Variants in ZFHX3 observed in about 807,000 individuals in gnomAD.
The protein encoded by ZFHX3 is zinc finger homeobox protein 3.
Under a neutral mutation model 279.1 loss-of-function variants are expected in ZFHX3, and 42 were observed. The observed-to-expected ratio is 0.15, with a 90% CI of 0.12 to 0.19. The LOEUF is 0.19. Among genes scored for constraint, ZFHX3 ranks in the 10% least tolerant of loss-of-function variants. The pLI is 1.00. For synonymous variants in ZFHX3, 2,293 were observed against 1,957.8 expected, an observed-to-expected ratio of 1.17 and a Z score of -4.52; for missense variants, 4,981 against 4,754.0, an observed-to-expected ratio of 1.05 and a Z score of -1.40.
intron 8 of ZFHX3, among the ~76,000 whole-genome samples, chr16:73,088,904 C>T (rs60404764): frequency 0.041 from 6,259 of 152,044 alleles, 189 homozygotes; most frequent in African/African-American, 0.092. Context: ...GTTTAGTATC[C>T]ATGGTGGGGG....
chr16:73,645,326 G>T (rs753508670), intron 2 of ZFHX3, among the ~76,000 whole-genome samples: 1 of 152,004 alleles, frequency 6.6e-6, no homozygotes, highest in African/African-American at 2.4e-5. Context: ...GCATGATCTC[G>T]GCTCACTGCA....
chr16:73,878,836 G>C (rs189544730), intron 1 of ZFHX3, among the ~76,000 whole-genome samples: 6 of 151,876 alleles, frequency 4.0e-5, no homozygotes, highest in Middle Eastern at 3.4e-3. Context: ...TACTGGAAAA[G>C]TGAAGTTCAA....
At chr16:73,768,887 G>A (rs1236904620) in intron 1 of ZFHX3, among the ~76,000 whole-genome samples, 1 of 152,134 alleles carries the variant, frequency 6.6e-6, no homozygotes, top group African/African-American at 2.4e-5. Context: ...TCCAGCTGAG[G>A]GAAAGGAAGA....
intron 1 of ZFHX3, among the ~76,000 whole-genome samples, chr16:73,760,757 T>C (rs1166802138): frequency 6.6e-6 from 1 of 152,172 alleles, no homozygotes; most frequent in Non-Finnish European, 1.5e-5. Flanking sequence ...AGAAAAGGCC[T>C]TCATAAAATT....
At position 73,386,943 on chromosome 16, in the gene ZFHX3, A is replaced by G. The variant is rs142786585; in HGVS notation, c.-1290-68607T>C. On this transcript the variant is annotated intron_variant, in intron 3 of 17. Coordinates refer to the ZFHX3 transcript ENST00000641206. The stretch of plus-strand genomic sequence containing the variant: ...TAAATCTGTTAGTGATCTCCCTCGC[A>G]TAACCTAGGAATTCTCTCAGGATCC... 40 of 152,272 alleles carry G rather than the reference A, an allele frequency of 2.6e-4. 1 individual carries two copies. The highest frequency in any genetic ancestry group is 8.9e-4 in the African/African-American group (37 of 41,546). The allele number at this position is 152,272 out of a possible 1,614,324, so 9.4% of individuals were successfully genotyped here.
chr16:73,459,195 T>C (rs1056051837), intron 2 of ZFHX3, among the ~76,000 whole-genome samples: 1 of 152,234 alleles, frequency 6.6e-6, no homozygotes, highest in Non-Finnish European at 1.5e-5. Context: ...AAAACTAACC[T>C]TTTTATTTTG....
intron 5 of ZFHX3, among the ~76,000 whole-genome samples, chr16:73,177,039 T>A (rs1394453508): frequency 6.6e-6 from 1 of 152,072 alleles, no homozygotes; most frequent in Non-Finnish European, 1.5e-5. Context: ...CATTTGTATA[T>A]CCCTCAGACC....
intron 1 of ZFHX3, among the ~76,000 whole-genome samples, chr16:73,746,437 G>A (rs968543671): frequency 2.0e-5 from 3 of 152,120 alleles, no homozygotes; most frequent in South Asian, 2.1e-4. Flanking sequence ...CCACTCCCAG[G>A]TATGAAATAG....
intron 3 of ZFHX3, among the ~76,000 whole-genome samples, chr16:73,440,452 T>C (rs1028597876): frequency 3.3e-5 from 5 of 152,140 alleles, no homozygotes; most frequent in African/African-American, 7.2e-5. Context: ...TTTTGAAAAA[T>C]AGACCCATTT....
At chr16:72,936,899 TG>T (rs1960154143) in intron 3 of ZFHX3, among the ~76,000 whole-genome samples, 1 of 151,224 alleles carries the variant, frequency 6.6e-6, no homozygotes, top group East Asian at 1.9e-4. Context: ...AGAGAGACGA[TG>T]GGGGCTGGCC....
At chr16:73,278,042 G>T (rs1356793924) in intron 4 of ZFHX3, among the ~76,000 whole-genome samples, 1 of 152,036 alleles carries the variant, frequency 6.6e-6, no homozygotes, top group Non-Finnish European at 1.5e-5. Context: ...TCCAACACTG[G>T]GGATTACAAT....
intron 8 of ZFHX3, among the ~76,000 whole-genome samples, chr16:73,085,736 AACATTAGGGAAACACTTCAGG>A (rs1224496133): frequency 1.3e-5 from 2 of 152,212 alleles, no homozygotes; most frequent in African/African-American, 4.8e-5. Flanking sequence ...CCTAGAAGAA[AACATTAGGGAAACACTTCAGG>A]ACATTGGTCT....
At chr16:73,246,743 T>C (rs1458486667) in intron 5 of ZFHX3, among the ~76,000 whole-genome samples, 1 of 152,248 alleles carries the variant, frequency 6.6e-6, no homozygotes, top group Non-Finnish European at 1.5e-5. Flanking sequence ...AGGGTACACT[T>C]TTTCACTTTT....
At chr16:73,766,586 C>G (rs1272185930) in intron 1 of ZFHX3, among the ~76,000 whole-genome samples, 1 of 152,178 alleles carries the variant, frequency 6.6e-6, no homozygotes, top group African/African-American at 2.4e-5. Flanking sequence ...CGACAAAATT[C>G]AAGAAGAGCT....
At chr16:72,930,604 C>A (rs1959734683) in intron 3 of ZFHX3, among the ~76,000 whole-genome samples, 1 of 152,032 alleles carries the variant, frequency 6.6e-6, no homozygotes, top group African/African-American at 2.4e-5. Flanking sequence ...CAGACAATAG[C>A]AATTGAAAGC....
chr16:73,053,092 T>A (rs1402357522), upstream of ZFHX3, among the ~76,000 whole-genome samples: 3 of 152,214 alleles, frequency 2.0e-5, no homozygotes, highest in Non-Finnish European at 4.4e-5. Context: ...ACAATAATTT[T>A]TTTTTTAACC....
chr16:73,188,457 G>A (rs757614961), intron 5 of ZFHX3, among the ~76,000 whole-genome samples: 2 of 152,198 alleles, frequency 1.3e-5, no homozygotes, highest in African/African-American at 4.8e-5. Context: ...TTGTCCTCTC[G>A]AGCTGATGAG....
rs144934490 is a variant in ZFHX3 at position 73,815,152 on chromosome 16, G to A, written c.-1608+76499C>T. ...CAACAAGTAGTAGAATAATGAGAACGATGCCAATTATAATAGCATCTATTG... is the reference window on the plus strand; with the variant it reads ...CAACAAGTAGTAGAATAATGAGAACAATGCCAATTATAATAGCATCTATTG... On this transcript the variant is annotated intron_variant, in intron 1 of 17. Coordinates refer to the ZFHX3 transcript ENST00000641206. Among the ~76,000 whole-genome samples the A allele has an allele frequency of 2.5e-3, 380 of 152,306 alleles. 1 individual carries two copies. The highest frequency in any genetic ancestry group is 4.2e-3 in the Non-Finnish European group (285 of 68,034).
chr16:73,143,473 A>T (rs952667469), intron 6 of ZFHX3, among the ~76,000 whole-genome samples: 1 of 152,198 alleles, frequency 6.6e-6, no homozygotes, highest in Non-Finnish European at 1.5e-5. Context: ...TGTTTTGCCC[A>T]CAGAAAGCTC....
Sources: allele counts gnomAD v4.1 joint callset (sites outside exome capture counted in the v4.1 genomes callset), GRCh38; gene constraint gnomAD v4.1.1; transcripts MANE v1.5; gene names NCBI Gene and HGNC (gene_info 2026-07-23, HGNC 2026-07-21).